The following DYM variants were observed in gnomAD, a reference collection of about 807,000 sequenced individuals.
DYM encodes dymeclin.
In DYM, 78 loss-of-function variants were observed where a neutral mutation model predicts 93.1. That is an observed-to-expected ratio of 0.84 (90% CI 0.70 to 1.01). The LOEUF (loss-of-function observed/expected upper bound fraction) is 1.01. DYM is among the 50% of genes least tolerant of loss of function. The probability of loss-of-function intolerance (pLI) is 0.00; values close to 1 mark genes in which losing one functional copy is unlikely to be tolerated. For synonymous variants in DYM, 321 were observed against 319.7 expected (o/e 1.00, Z -0.04); for missense variants, 789 against 845.0 (o/e 0.93, Z 0.82).
chr18:49,203,061 G>GC (rs1171571132), intron 14 of DYM, among the ~76,000 whole-genome samples: 1 of 8,696 alleles, frequency 1.1e-4, no homozygotes, highest in African/African-American at 2.9e-4. Context: ...TGGGGGGTCA[G>GC]CCCTCCGCCC....
chr18:49,393,112 GGAA>G (rs2069581754), intron 2 of DYM, among the ~76,000 whole-genome samples: 1 of 38,294 alleles, frequency 2.6e-5, no homozygotes, highest in Non-Finnish European at 5.0e-5. Flanking sequence ...AAGGAAGGAA[GGAA>G]GGAAGGAAGG....
At chr18:49,354,403 G>A (rs1473448713) in intron 6 of DYM, among the ~76,000 whole-genome samples, 2 of 151,970 alleles carry the variant, frequency 1.3e-5, no homozygotes, top group Admixed American at 6.6e-5. Context: ...CCTACTCTGT[G>A]AAAGACATGA....
intron 8 of DYM, among the ~76,000 whole-genome samples, chr18:49,324,138 CAAAAAAAAAAAAA>C (rs59640889): frequency 0.16 from 8,744 of 55,032 alleles, 539 homozygotes; most frequent in East Asian, 0.42. Context: ...GGCTCTGTCT[CAAAAAAAAAAAAA>C]AAAAAAAAAA....
rs368474089 is a variant in DYM at position 49,389,620 on chromosome 18, G to A, written c.193+1973C>T. On this transcript the variant is annotated intron_variant, in intron 3 of 17. Coordinates refer to ENST00000675505, the MANE Select transcript of DYM (RefSeq NM_001353214.3). ...CGATCAATCCTCCTACCTCAATCTC[G>A]CAAGCAGCTGAGACTACAGGCACAT... Among the ~76,000 whole-genome samples the A allele has an allele frequency of 3.2e-4, 49 of 152,012 alleles. No homozygotes were observed. The South Asian group carries it at 7.1e-3, about 22-fold the overall frequency.
At chr18:49,374,514 A>G (rs76014393) in intron 5 of DYM, among the ~76,000 whole-genome samples, 12,207 of 152,294 alleles carry the variant, frequency 0.08, 776 homozygotes, top group East Asian at 0.31. Flanking sequence ...CCACTAATCA[A>G]ATGTGGAGTC....
Position 49,332,126 on chromosome 18 carries a change from C to G in DYM, c.621-120G>C. 5.7e-6 allele frequency: 6 copies of G among 1,055,702 alleles called. No homozygotes were observed. In the South Asian group the frequency reaches 8.3e-5, roughly 15 times the overall value. The allele number at this position is 1,055,702 out of a possible 1,614,324, so 65.4% of individuals were successfully genotyped here. ...TGTTAATACAAAAGGGCTATTGGCACAACTCACAGAAATTGAGCACTGCAC... is the reference window on the plus strand; with the variant it reads ...TGTTAATACAAAAGGGCTATTGGCAGAACTCACAGAAATTGAGCACTGCAC... On this transcript the variant is annotated intron_variant, in intron 7 of 17. Coordinates refer to ENST00000675505, the MANE Select transcript of DYM (RefSeq NM_001353214.3).
intron 8 of DYM, among the ~76,000 whole-genome samples, chr18:49,301,566 A>G (rs2060939832): frequency 6.6e-6 from 1 of 152,080 alleles, no homozygotes; most frequent in Non-Finnish European, 1.5e-5. Context: ...AGTAATCCAG[A>G]AAAGAAAGTT....
At chr18:49,447,650 C>T (rs889267893) in intron 1 of DYM, among the ~76,000 whole-genome samples, 3 of 152,300 alleles carry the variant, frequency 2.0e-5, no homozygotes, top group South Asian at 4.2e-4. Flanking sequence ...CCAAAGGCTT[C>T]TGGACCCCAG....
At chr18:49,450,273 G>A (rs779565669) in intron 1 of DYM, among the ~76,000 whole-genome samples, 12 of 152,156 alleles carry the variant, frequency 7.9e-5, no homozygotes, top group Non-Finnish European at 4.4e-5. Flanking sequence ...GGTTGTAAAG[G>A]GTTTGTAAAG....
chr18:49,130,908 C>T (rs1038899041), intron 15 of DYM, among the ~76,000 whole-genome samples: 11 of 152,196 alleles, frequency 7.2e-5, no homozygotes, highest in African/African-American at 2.7e-4. Flanking sequence ...GCCCTGGAGT[C>T]AGCCTTGAAT....
At position 49,217,249 on chromosome 18, in the gene DYM, C is replaced by T. The variant is rs376566793; in HGVS notation, c.1461-7534G>A. Among the ~76,000 whole-genome samples, 48 of 152,238 alleles carry T rather than the reference C, an allele frequency of 3.2e-4. 1 individual carries two copies. The South Asian group carries it at 9.5e-3, about 30-fold the overall frequency. Reference sequence around the variant, plus strand: ...AACAAAGCCTTCAAGAAATATGGGACTATGTGAAAAGACCAAATCTACGTC... The same window carrying T: ...AACAAAGCCTTCAAGAAATATGGGATTATGTGAAAAGACCAAATCTACGTC... On this transcript the variant is annotated intron_variant, in intron 13 of 17. Coordinates refer to ENST00000675505, the MANE Select transcript of DYM (RefSeq NM_001353214.3).
intron 15 of DYM, among the ~76,000 whole-genome samples, chr18:49,161,552 C>A (rs1358630119): frequency 3.3e-5 from 5 of 152,156 alleles, no homozygotes; most frequent in Admixed American, 2.6e-4. Flanking sequence ...GCCACCCTGG[C>A]CCCGATAGGG....
chr18:49,398,524 C>T (rs143915893), intron 2 of DYM, among the ~76,000 whole-genome samples: 10 of 152,250 alleles, frequency 6.6e-5, no homozygotes, highest in Non-Finnish European at 1.3e-4. Context: ...CACCCTCTAC[C>T]GACAGAGTGG....
At chr18:49,210,721 A>G (rs1450831497) in intron 13 of DYM, among the ~76,000 whole-genome samples, 4 of 152,188 alleles carry the variant, frequency 2.6e-5, no homozygotes, top group African/African-American at 9.7e-5. Context: ...ATGCAGTTTC[A>G]TCAACTATAA....
intron 5 of DYM, 21 bp from the exon 6 acceptor site, chr18:49,363,254 A>T: frequency 2.5e-6 from 4 of 1,573,700 alleles, no homozygotes; most frequent in Non-Finnish European, 3.5e-6. Context: ...ACATAAAAAG[A>T]TTTTTTTTTA....
Position 49,280,963 on chromosome 18 carries a change from A to C in DYM, c.1125+1034T>G, listed in dbSNP as rs539677785. Among the ~76,000 whole-genome samples the C allele has an allele frequency of 8.5e-3, 1,290 of 152,306 alleles. 13 individuals are homozygous for C. Among genetic ancestry groups the C allele is most frequent in the Admixed American group, 0.013 (193 of 15,302 alleles). On this transcript the variant is annotated intron_variant, in intron 10 of 17. Coordinates refer to ENST00000675505, the MANE Select transcript of DYM (RefSeq NM_001353214.3). ...CAAAATTGACAAATGGGATCTAATT[A>C]AACTAAAGAGCTTCTGCACAGCAAA...
At chr18:49,175,826 A>C (rs918303223) in intron 14 of DYM, among the ~76,000 whole-genome samples, 1 of 152,142 alleles carries the variant, frequency 6.6e-6, no homozygotes, top group Admixed American at 6.5e-5. Context: ...CAAAAACTCT[A>C]TATATAGTAA....
At chr18:49,187,968 G>GA (rs918353222) in intron 14 of DYM, among the ~76,000 whole-genome samples, 1 of 152,062 alleles carries the variant, frequency 6.6e-6, no homozygotes, top group Admixed American at 6.6e-5. Flanking sequence ...CTCATCCTCT[G>GA]AAAAAAACAA....
intron 6 of DYM, among the ~76,000 whole-genome samples, chr18:49,351,366 G>A (rs537120498): frequency 2.0e-5 from 3 of 147,114 alleles, no homozygotes; most frequent in East Asian, 3.9e-4. Flanking sequence ...GCGAGACTCT[G>A]TCTCTAAATA....
Sources: gnomAD v4.1 joint callset for allele counts (sites outside exome capture counted in the v4.1 genomes callset) on GRCh38, gnomAD v4.1.1 for gene constraint, MANE v1.5 for transcripts, NCBI Gene and HGNC (gene_info 2026-07-23, HGNC 2026-07-21) for gene names.